The following PRKN variants were observed in gnomAD, a reference collection of about 807,000 sequenced individuals.
The protein encoded by PRKN is E3 ubiquitin-protein ligase parkin.
PRKN carries 56 observed loss-of-function variants against 59.5 expected under a neutral mutation model. The observed-to-expected ratio is 0.94, with a 90% CI of 0.76 to 1.18. PRKN has a LOEUF of 1.18. Ranked by LOEUF, PRKN falls within the 50% of genes most tolerant of loss-of-function variation. The probability of loss-of-function intolerance (pLI) is 0.00; values close to 1 mark genes in which losing one functional copy is unlikely to be tolerated. For missense variants in PRKN, 657 were observed against 596.4 expected (o/e 1.10, Z -1.06); for synonymous variants, 250 against 222.1 (o/e 1.13, Z -1.12).
Position 162,539,185 on chromosome 6 carries a change from AT to A in PRKN, c.8-95713del, listed in dbSNP as rs1264760029. Among the ~76,000 whole-genome samples the A allele has an allele frequency of 9.4e-3, 1,414 of 151,060 alleles. 18 individuals carry two copies. The highest frequency in any genetic ancestry group is 0.032 in the African/African-American group (1,324 of 41,168). On this transcript the variant is annotated intron_variant, in intron 1 of 11. Coordinates refer to ENST00000366898, the MANE Select transcript of PRKN (RefSeq NM_004562.3). ...ATATTGAGTGTTTCTCCATGTAAAC[AT>A]TTTTTTTTTAATTAACGAGAATGAA...
intron 9 of PRKN, among the ~76,000 whole-genome samples, chr6:161,464,784 A>C (rs766168741): frequency 1.3e-5 from 2 of 152,254 alleles, no homozygotes; most frequent in Non-Finnish European, 2.9e-5. Flanking sequence ...CAGGCCCCTA[A>C]GGTCTCTTAT....
At chr6:161,917,091 C>T (rs1008146735) in intron 6 of PRKN, among the ~76,000 whole-genome samples, 2 of 151,830 alleles carry the variant, frequency 1.3e-5, no homozygotes, top group Admixed American at 6.6e-5. Flanking sequence ...CGTGAGCCAC[C>T]GCATCCAGCC....
rs916990450 is a variant in PRKN at position 161,378,460 on chromosome 6, T to C, written c.1167+8334A>G. Among the ~76,000 whole-genome samples the C allele has an allele frequency of 2.0e-5, 3 of 152,150 alleles. No homozygotes were observed. The highest frequency in any genetic ancestry group is 2.0e-4 in the Admixed American group (3 of 15,274). On this transcript the variant is annotated intron_variant, in intron 10 of 11. Transcript: ENST00000366898. The surrounding 1 kb of genome is among the most constrained non-coding windows in gnomAD (Gnocchi z 7.3). ...CCACTCCTCGAGGAGACCAACTAAC[T>C]GGCCAGTGGGTGTCAGGTGGATCAC...
At chr6:162,583,729 G>A (rs942142565) in intron 1 of PRKN, among the ~76,000 whole-genome samples, 8 of 151,994 alleles carry the variant, frequency 5.3e-5, no homozygotes, top group Non-Finnish European at 1.2e-4. Context: ...CATATTTAAG[G>A]ACTTCCACCA....
chr6:162,047,316 C>T (rs1784290663), intron 5 of PRKN, among the ~76,000 whole-genome samples: 1 of 152,072 alleles, frequency 6.6e-6, no homozygotes, highest in East Asian at 1.9e-4. Flanking sequence ...AGTGGGACCC[C>T]TCAAAGCCAC....
chr6:161,366,982 C>CTTTTTTTTTTTTTTTTT lies in PRKN; in HGVS notation c.1168-6794_1168-6778dup, dbSNP rs57164972. Among the ~76,000 whole-genome samples, 3 of 91,946 alleles carry CTTTTTTTTTTTTTTTTT rather than the reference C, an allele frequency of 3.3e-5. 1 individual carries two copies. The highest frequency in any genetic ancestry group is 1.3e-4 in the African/African-American group (3 of 23,194). 60.3% of individuals were successfully genotyped at this position (91,946 alleles called of 152,430 possible). On this transcript the variant is annotated intron_variant, in intron 10 of 11. Transcript: ENST00000366898. ...AAGTTTTTTGGGGTTTTTTTGTTTC[C>CTTTTTTTTTTTTTTTTT]TTTTTTTTTTTTTTTTTTTTTTTTT...
At chr6:162,006,369 C>T (rs1382597274) in intron 5 of PRKN, among the ~76,000 whole-genome samples, 1 of 152,160 alleles carries the variant, frequency 6.6e-6, no homozygotes, top group Non-Finnish European at 1.5e-5. Flanking sequence ...CAATGTCAAC[C>T]AGATTCCACA....
In PRKN at chr6:162,213,502, T is replaced by C. The variant is rs1777491745; in HGVS notation, c.413-12250A>G. On this transcript the variant is annotated intron_variant, in intron 3 of 11. Coordinates refer to ENST00000366898, the MANE Select transcript of PRKN (RefSeq NM_004562.3). Reference sequence around the variant, plus strand: ...CAGCAGTTTGGGAGGCTGAGACAAGTTGAGCTTGAGCTCAGGAGTTCGAGA... The same window carrying C: ...CAGCAGTTTGGGAGGCTGAGACAAGCTGAGCTTGAGCTCAGGAGTTCGAGA... 2.0e-5 allele frequency among the ~76,000 whole-genome samples: 3 copies of C among 152,088 alleles called. No homozygotes were observed. In the South Asian group the frequency reaches 6.2e-4, roughly 32 times the overall value.
chr6:162,172,407 G>A (rs1233529245), intron 4 of PRKN, among the ~76,000 whole-genome samples: 1 of 152,130 alleles, frequency 6.6e-6, no homozygotes, highest in Non-Finnish European at 1.5e-5. Flanking sequence ...TGCACTCTGT[G>A]AGCCGCCTGC....
intron 7 of PRKN, among the ~76,000 whole-genome samples, chr6:161,752,764 G>A (rs1788749386): frequency 6.6e-6 from 1 of 152,216 alleles, no homozygotes. Flanking sequence ...AAAGGAAGTA[G>A]AGAGATCATT....
At chr6:162,505,059 A>T (rs1793549233) in intron 1 of PRKN, among the ~76,000 whole-genome samples, 1 of 152,304 alleles carries the variant, frequency 6.6e-6, no homozygotes, top group East Asian at 1.9e-4. Context: ...AGGAAAATGC[A>T]GAGCAATGAG....
chr6:162,700,149 G>A lies in PRKN; in HGVS notation c.7+27513C>T, dbSNP rs181679489. On this transcript the variant is annotated intron_variant, in intron 1 of 11. Coordinates refer to ENST00000366898, the MANE Select transcript of PRKN (RefSeq NM_004562.3). Reference sequence around the variant, plus strand: ...AAGGGTATACAAGCATCTGGACCTCGTTGGGTTATTGGGTAATCATTCTCC... The same window carrying A: ...AAGGGTATACAAGCATCTGGACCTCATTGGGTTATTGGGTAATCATTCTCC... 5.3e-5 allele frequency among the ~76,000 whole-genome samples: 8 copies of A among 152,204 alleles called. No homozygotes were observed. In the East Asian group the frequency reaches 1.2e-3, roughly 22 times the overall value.
At chr6:162,619,825 T>C (rs1019496952) in intron 1 of PRKN, among the ~76,000 whole-genome samples, 1 of 152,174 alleles carries the variant, frequency 6.6e-6, no homozygotes, top group Non-Finnish European at 1.5e-5. Flanking sequence ...CTAAGCAATG[T>C]ATGATGGACA....
chr6:162,562,409 C>G (rs368874914), intron 1 of PRKN, among the ~76,000 whole-genome samples: 4 of 152,174 alleles, frequency 2.6e-5, no homozygotes, highest in Non-Finnish European at 4.4e-5. Context: ...TCCCCAGTTC[C>G]AGGACTTGAC....
intron 3 of PRKN, among the ~76,000 whole-genome samples, chr6:162,258,161 C>A (rs1779733645): frequency 6.6e-6 from 1 of 152,188 alleles, no homozygotes; most frequent in Admixed American, 6.5e-5. Flanking sequence ...ACGGAACTCC[C>A]CACCAATACT....
chr6:162,186,233 A>G (rs1292646803), intron 4 of PRKN, among the ~76,000 whole-genome samples: 3 of 152,212 alleles, frequency 2.0e-5, no homozygotes, highest in African/African-American at 7.2e-5. Context: ...TACAAGAGAT[A>G]CTATAAACCA....
rs73785410 is a variant in PRKN, at chr6:161,789,334, T to G, written c.735-3426A>C. The stretch of plus-strand genomic sequence containing the variant: ...TGCTAGGAACTTCGCAGACTTCCTT[T>G]CATTTCATCCTCGTAAAATAAACTG... On this transcript the variant is annotated intron_variant, in intron 6 of 11. Transcript: ENST00000366898. Among the ~76,000 whole-genome samples, 815 of 152,312 alleles carry G rather than the reference T, an allele frequency of 5.4e-3. 9 individuals are homozygous for G. The highest frequency in any genetic ancestry group is 0.018 in the African/African-American group (738 of 41,556).
intron 7 of PRKN, among the ~76,000 whole-genome samples, chr6:161,765,441 T>C (rs1371645692): frequency 1.3e-5 from 2 of 152,208 alleles, no homozygotes; most frequent in Non-Finnish European, 2.9e-5. Flanking sequence ...ATGGCAAAAT[T>C]ACAGCCTAGA....
intron 2 of PRKN, among the ~76,000 whole-genome samples, chr6:162,348,371 G>GA (rs1225075534): frequency 1.3e-5 from 2 of 151,922 alleles, no homozygotes; most frequent in African/African-American, 4.8e-5. Context: ...CTGTAGAAGA[G>GA]AAAAAAACAT....
Sources: allele counts gnomAD v4.1 joint callset (sites outside exome capture counted in the v4.1 genomes callset), GRCh38; gene constraint gnomAD v4.1.1; non-coding constraint Gnocchi (gnomAD v3.1); transcripts MANE v1.5; gene names NCBI Gene and HGNC (gene_info 2026-07-23, HGNC 2026-07-21).